SEC23A: variants seen among roughly 807,000 people sequenced by gnomAD.
SEC23A encodes SEC23 homolog A, COPII component, also known as protein transport protein Sec23A.
Under a neutral mutation model 103.7 loss-of-function variants are expected in SEC23A, and 56 were observed. The observed-to-expected ratio is 0.54, with a 90% confidence interval of 0.44 to 0.67. The LOEUF is 0.67. SEC23A is among the 30% of genes least tolerant of loss of function. The pLI is 0.00. For missense variants in SEC23A, 784 were observed against 936.4 expected, an observed-to-expected ratio of 0.84 and a Z score of 2.12; for synonymous variants, 281 against 293.0, an observed-to-expected ratio of 0.96 and a Z score of 0.42.
intron 7 of SEC23A, among the ~76,000 whole-genome samples, chr14:39,081,967 T>A (rs1950508): frequency 0.27 from 41,763 of 151,872 alleles, 6,704 homozygotes; most frequent in Non-Finnish European, 0.35. Flanking sequence ...GAACCAAGGC[T>A]AAAAGGAAAC....
At chr14:39,062,731 A>C (rs544073661) in intron 12 of SEC23A, among the ~76,000 whole-genome samples, 2 of 152,224 alleles carry the variant, frequency 1.3e-5, no homozygotes, top group African/African-American at 4.8e-5. Context: ...TTTAAAAAAA[A>C]ACTATTGCAC....
intron 7 of SEC23A, among the ~76,000 whole-genome samples, chr14:39,081,893 C>A (rs1054497325): frequency 6.6e-6 from 1 of 151,996 alleles, no homozygotes; most frequent in Non-Finnish European, 1.5e-5. Context: ...TAGCTCCATC[C>A]GCTGGGACCT....
intron 15 of SEC23A, among the ~76,000 whole-genome samples, chr14:39,047,992 T>C (rs1379285019): frequency 1.3e-5 from 2 of 152,226 alleles, no homozygotes; most frequent in Non-Finnish European, 1.5e-5. Context: ...GATACCATAC[T>C]GCAAGACTAG....
At chr14:39,102,714 A>G (rs1284436173) in intron 1 of SEC23A, among the ~76,000 whole-genome samples, 1 of 140,254 alleles carries the variant, frequency 7.1e-6, no homozygotes, top group Non-Finnish European at 1.5e-5. Flanking sequence ...AAGGGCCCAG[A>G]GGCGATGATG....
intron 16 of SEC23A, among the ~76,000 whole-genome samples, chr14:39,043,409 ATAGAG>A (rs745529896): frequency 6.6e-6 from 1 of 152,210 alleles, no homozygotes; most frequent in Non-Finnish European, 1.5e-5. Flanking sequence ...CAATTTAAAA[ATAGAG>A]TAAAGTCAAG....
rs71130810 is a variant in SEC23A, at chr14:39,083,563, C to CTTTTTTTTTTTT, written c.828+2187_828+2198dup. 9.3e-3 allele frequency among the ~76,000 whole-genome samples: 852 copies of CTTTTTTTTTTTT among 91,684 alleles called. 129 individuals are homozygous for CTTTTTTTTTTTT. Among genetic ancestry groups the CTTTTTTTTTTTT allele is most frequent in the East Asian group, 0.017 (40 of 2,350 alleles). 60.1% of individuals were successfully genotyped at this position (91,684 alleles called of 152,430 possible). On this transcript the variant is annotated intron_variant, in intron 7 of 19. Transcript: ENST00000307712. Reference sequence around the variant, plus strand: ...CCTCAGCCTTGGCAAAATAAACTTTCTTTTTTTTTTTTTTTTTGAGATGGA... The same window carrying CTTTTTTTTTTTT: ...CCTCAGCCTTGGCAAAATAAACTTTCTTTTTTTTTTTTTTTTTTTTTTTTTTTTTGAGATGGA...
At chr14:39,047,350 CA>C in intron 15 of SEC23A, 1 of 1,274,064 alleles carries the variant, frequency 7.8e-7, no homozygotes, top group South Asian at 1.3e-5. Flanking sequence ...AATGACAAAA[CA>C]AAGAATTTTA....
intron 13 of SEC23A, among the ~76,000 whole-genome samples, chr14:39,056,336 T>C (rs933299551): frequency 4.6e-5 from 7 of 152,218 alleles, no homozygotes; most frequent in Non-Finnish European, 7.3e-5. Flanking sequence ...TTTCACCATG[T>C]TCACTAGGCT....
chr14:39,036,583 T>A (rs1229999903), intron 19 of SEC23A, among the ~76,000 whole-genome samples: 1 of 152,132 alleles, frequency 6.6e-6, no homozygotes, highest in East Asian at 1.9e-4. Flanking sequence ...AAAACCTTTC[T>A]GTCTTCACCC....
intron 9 of SEC23A, among the ~76,000 whole-genome samples, chr14:39,069,754 G>C (rs7156098): frequency 6.6e-6 from 1 of 152,070 alleles, no homozygotes; most frequent in South Asian, 2.1e-4. Flanking sequence ...GAGCCACAGC[G>C]CCTGGCCCCA....
intron 12 of SEC23A, 144 bp downstream of exon 12, chr14:39,063,180 C>G: frequency 1.8e-6 from 1 of 562,670 alleles, no homozygotes; most frequent in Non-Finnish European, 3.1e-6. Flanking sequence ...AAATAAAAAA[C>G]GACAAATATA....
intron 7 of SEC23A, among the ~76,000 whole-genome samples, chr14:39,076,877 A>C (rs1303261105): frequency 2.0e-5 from 3 of 151,530 alleles, no homozygotes; most frequent in Non-Finnish European, 4.4e-5. Context: ...CAGTGAGCCA[A>C]GATCACGCCA....
At chr14:39,043,432 C>G (rs562688776) in intron 16 of SEC23A, among the ~76,000 whole-genome samples, 11 of 152,220 alleles carry the variant, frequency 7.2e-5, no homozygotes, top group African/African-American at 2.6e-4. Context: ...AAGAAGAATT[C>G]AAGGATAACT....
intron 4 of SEC23A, among the ~76,000 whole-genome samples, chr14:39,092,274 A>G (rs904902811): frequency 3.9e-5 from 6 of 152,204 alleles, no homozygotes; most frequent in African/African-American, 1.2e-4. Context: ...TGACCTTCCA[A>G]CTACAAAGCA....
chr14:39,091,263 G>T (rs1391101742), intron 5 of SEC23A: 1 of 566,432 alleles, frequency 1.8e-6, no homozygotes, highest in African/African-American at 1.9e-5. Context: ...AAATTTTAAA[G>T]ATATAGTTAA....
chr14:39,076,562 C>T (rs1445205689), intron 7 of SEC23A, among the ~76,000 whole-genome samples: 1 of 151,318 alleles, frequency 6.6e-6, no homozygotes, highest in African/African-American at 2.4e-5. Context: ...GCCACTGCAC[C>T]TGGCTCTTCT....
At chr14:39,050,458 A>G (rs1886018011) in intron 14 of SEC23A, among the ~76,000 whole-genome samples, 1 of 152,214 alleles carries the variant, frequency 6.6e-6, no homozygotes. Context: ...TGGTGCAGCA[A>G]GAGAAAACCT....
intron 3 of SEC23A, chr14:39,092,932 C>T (rs566352434): frequency 8.3e-6 from 4 of 479,352 alleles, no homozygotes; most frequent in East Asian, 4.0e-5. Context: ...GGTGCAATCT[C>T]GGCTCACTGC....
At chr14:39,049,981 G>A (rs1357080113) in intron 14 of SEC23A, among the ~76,000 whole-genome samples, 1 of 151,848 alleles carries the variant, frequency 6.6e-6, no homozygotes, top group Admixed American at 6.6e-5. Flanking sequence ...TGTTAGCCAG[G>A]ATGGTCTCGA....
Sources: gnomAD v4.1 joint callset for allele counts (sites outside exome capture counted in the v4.1 genomes callset) on GRCh38, gnomAD v4.1.1 for gene constraint, MANE v1.5 for transcripts, NCBI Gene and HGNC (gene_info 2026-07-23, HGNC 2026-07-21) for gene names.